PTPRM: variants seen among roughly 807,000 people sequenced by gnomAD.
PTPRM encodes receptor-type tyrosine-protein phosphatase mu.
Under a neutral mutation model 186.7 loss-of-function variants are expected in PTPRM, and 47 were observed. The ratio of observed to expected loss-of-function variants is 0.25; its 90% CI spans 0.20 to 0.32. The LOEUF is 0.32. PTPRM is among the 10% of genes least tolerant of loss of function. PTPRM has a pLI of 1.00. For missense variants in PTPRM, 1,494 were observed against 1,865.0 expected (o/e 0.80, Z 3.66); for synonymous variants, 668 against 674.9 (o/e 0.99, Z 0.16).
At chr18:7,811,901 G>A (rs2044539143) in intron 2 of PTPRM, among the ~76,000 whole-genome samples, 1 of 152,246 alleles carries the variant, frequency 6.6e-6, no homozygotes, top group South Asian at 2.1e-4. Context: ...ATATATGGCA[G>A]CCTCTTCCTG....
intron 23 of PTPRM, among the ~76,000 whole-genome samples, chr18:8,356,617 G>C: frequency 6.6e-6 from 1 of 152,216 alleles, no homozygotes; most frequent in East Asian, 1.9e-4. Flanking sequence ...CTATTTTAGG[G>C]ATGCATCAAG....
intron 5 of PTPRM, among the ~76,000 whole-genome samples, chr18:7,948,843 G>A (rs1037805344): frequency 6.6e-6 from 1 of 152,196 alleles, no homozygotes; most frequent in African/African-American, 2.4e-5. Context: ...ATAAGAGAAA[G>A]TGCTATAAGA....
chr18:7,738,398 G>T (rs2040816370), intron 1 of PTPRM, among the ~76,000 whole-genome samples: 1 of 152,066 alleles, frequency 6.6e-6, no homozygotes, highest in Non-Finnish European at 1.5e-5. Context: ...AGGTGAATAT[G>T]TTGGATGAGA....
intron 7 of PTPRM, among the ~76,000 whole-genome samples, chr18:8,012,594 C>G (rs1435174165): frequency 1.3e-5 from 2 of 152,192 alleles, no homozygotes; most frequent in Non-Finnish European, 2.9e-5. Context: ...AAGTCAATAA[C>G]ATGTGACTGT....
At chr18:7,584,432 C>T (rs1359749820) in intron 1 of PTPRM, among the ~76,000 whole-genome samples, 4 of 152,138 alleles carry the variant, frequency 2.6e-5, no homozygotes, top group African/African-American at 4.8e-5. Context: ...GGTTCTGCTG[C>T]CATGTAGCAT....
At chr18:8,130,667 A>C (rs2092481834) in intron 13 of PTPRM, among the ~76,000 whole-genome samples, 1 of 152,118 alleles carries the variant, frequency 6.6e-6, no homozygotes, top group South Asian at 2.1e-4. Flanking sequence ...GATCATTTTC[A>C]AACCCACATG....
intron 2 of PTPRM, among the ~76,000 whole-genome samples, chr18:7,827,849 C>A (rs912534336): frequency 1.3e-5 from 2 of 152,144 alleles, no homozygotes; most frequent in Non-Finnish European, 2.9e-5. Flanking sequence ...CAACTGTGGG[C>A]GTGATTAATT....
At chr18:7,798,992 C>G (rs1353606105) in intron 2 of PTPRM, among the ~76,000 whole-genome samples, 1 of 152,168 alleles carries the variant, frequency 6.6e-6, no homozygotes, top group African/African-American at 2.4e-5. Context: ...ATCTGCTAGA[C>G]CAAGTCCCAC....
At chr18:7,886,698 CT>C (rs2048804261) in intron 2 of PTPRM, among the ~76,000 whole-genome samples, 2 of 152,162 alleles carry the variant, frequency 1.3e-5, no homozygotes, top group Non-Finnish European at 2.9e-5. Flanking sequence ...AGATAAGCTG[CT>C]TCTAATCTCT....
At chr18:7,895,156 T>G (rs1228580568) in intron 3 of PTPRM, among the ~76,000 whole-genome samples, 1 of 152,152 alleles carries the variant, frequency 6.6e-6, no homozygotes, top group African/African-American at 2.4e-5. Flanking sequence ...TGATTTAAAC[T>G]TTATGAGCCT....
intron 1 of PTPRM, among the ~76,000 whole-genome samples, chr18:7,704,524 T>G (rs1286969277): frequency 2.0e-5 from 3 of 152,178 alleles, no homozygotes; most frequent in African/African-American, 7.2e-5. Context: ...TGATATTCGC[T>G]TTATCATTTT....
intron 24 of PTPRM, among the ~76,000 whole-genome samples, chr18:8,371,526 C>T (rs2095662715): frequency 6.6e-6 from 1 of 152,134 alleles, no homozygotes; most frequent in Non-Finnish European, 1.5e-5. Context: ...ACCTGGAAAC[C>T]TAAGTGACTG....
chr18:8,149,903 T>C (rs2092967489), intron 14 of PTPRM, among the ~76,000 whole-genome samples: 1 of 152,202 alleles, frequency 6.6e-6, no homozygotes, highest in Admixed American at 6.6e-5. Flanking sequence ...TCCTTCACTA[T>C]GAAGCTTAGT....
At chr18:7,634,112 A>T (rs1167397619) in intron 1 of PTPRM, among the ~76,000 whole-genome samples, 1 of 152,064 alleles carries the variant, frequency 6.6e-6, no homozygotes, top group Admixed American at 6.6e-5. Flanking sequence ...ATGGGCCCTG[A>T]TGCTCCTCAA....
At position 7,705,317 on chromosome 18, in the gene PTPRM, A is replaced by G. The variant is rs569127476; in HGVS notation, c.74-68832A>G. 7.8e-3 allele frequency among the ~76,000 whole-genome samples: 1,153 copies of G among 147,036 alleles called. 19 individuals carry two copies. Among genetic ancestry groups the G allele is most frequent in the African/African-American group, 0.028 (1,113 of 39,216 alleles). On this transcript the variant is annotated intron_variant, in intron 1 of 32. Transcript: ENST00000580170. ...TATCTATCTATCTATCTATCTATCT[A>G]TCTATCTATCTGTCTATCTAGCTAG...
intron 1 of PTPRM, among the ~76,000 whole-genome samples, chr18:7,719,549 A>G (rs574966321): frequency 6.6e-6 from 1 of 152,338 alleles, no homozygotes; most frequent in South Asian, 2.1e-4. Context: ...AATACAAAAA[A>G]AATAAAAAAT....
At chr18:8,344,448 G>GTGTGTGTGTGTGTATATATATATATATA (rs1360655194) in intron 23 of PTPRM, among the ~76,000 whole-genome samples, 7 of 33,420 alleles carry the variant, frequency 2.1e-4, no homozygotes, top group Non-Finnish European at 7.5e-4. Context: ...GTGTGTGTGT[G>GTGTGTGTGTGTGTATATATATATATATA]TATATATATA....
At chr18:8,090,560 G>A (rs777788666) in intron 11 of PTPRM, among the ~76,000 whole-genome samples, 14 of 151,900 alleles carry the variant, frequency 9.2e-5, no homozygotes, top group Non-Finnish European at 1.9e-4. Flanking sequence ...ATTTTCATTC[G>A]CATCTTTGTA....
In PTPRM at chr18:8,031,732, G is replaced by T. The variant is rs1294246972; in HGVS notation, c.1133-37954G>T. Among the ~76,000 whole-genome samples the T allele has an allele frequency of 4.6e-5, 7 of 152,160 alleles. No individual in the cohort carries two copies. The East Asian group carries it at 1.4e-3, about 29-fold the overall frequency. On this transcript the variant is annotated intron_variant, in intron 7 of 32. Transcript: ENST00000580170. ...CCAGCAGATGTGTGGAGATATGACG[G>T]TTGCTGTAATAGAGTGCTGTGATTT...
Sources: gnomAD v4.1 joint callset for allele counts (sites outside exome capture counted in the v4.1 genomes callset) on GRCh38, gnomAD v4.1.1 for gene constraint, MANE v1.5 for transcripts, NCBI Gene and HGNC (gene_info 2026-07-23, HGNC 2026-07-21) for gene names.